ALG12: variants seen among roughly 807,000 people sequenced by gnomAD.
ALG12 encodes ALG12 alpha-1,6-mannosyltransferase, also known as dol-P-Man:Man(7)GlcNAc(2)-PP-Dol alpha-1,6-mannosyltransferase.
ALG12 carries 36 observed loss-of-function variants against 46.0 expected under a neutral mutation model. The ratio of observed to expected loss-of-function variants is 0.78; its 90% confidence interval spans 0.60 to 1.03. The LOEUF (loss-of-function observed/expected upper bound fraction) is 1.03, where lower values mean the gene tolerates loss of function less well. Among genes scored for constraint, ALG12 ranks in the 50% least tolerant of loss-of-function variants. ALG12 has a pLI of 0.00. For missense variants in ALG12, 599 were observed against 633.5 expected, an observed-to-expected ratio of 0.95 and a Z score of 0.58; for synonymous variants, 326 against 291.6, an observed-to-expected ratio of 1.12 and a Z score of -1.20.
At chr22:49,888,986 T>C in the ALG12 span, 1 of 167,286 alleles carries the variant, frequency 6.0e-6, no homozygotes, top group Non-Finnish European at 1.5e-5. Flanking sequence ...TAAGATTGTA[T>C]TTGGAATGGT....
chr22:49,910,125 A>G (rs935651036), intron 4 of ALG12, 37 bp from the exon 5 acceptor site: 1 of 1,566,064 alleles, frequency 6.4e-7, no homozygotes, highest in Non-Finnish European at 8.7e-7. Flanking sequence ...GTCAAGACAC[A>G]GGGCCCACCC....
the ALG12 span, chr22:49,883,714 GATAAA>G: frequency 1.5e-5 from 24 of 1,606,934 alleles, no homozygotes; most frequent in East Asian, 2.2e-5. Flanking sequence ...TTTCGTTTCT[GATAAA>G]ATAAAGTTTA....
At chr22:49,907,551 T>C (rs2060549272) in intron 7 of ALG12, among the ~76,000 whole-genome samples, 170 bp downstream of exon 7, 2 of 152,274 alleles carry the variant, frequency 1.3e-5, no homozygotes, top group African/African-American at 4.8e-5. Context: ...GGCAGGAGGA[T>C]GGCTTAACCC....
In ALG12 at chr22:49,906,493, C is replaced by T. The variant is rs1050909353; in HGVS notation, c.992+1228G>A. Among the ~76,000 whole-genome samples, 1 of 152,144 alleles carries T rather than the reference C, an allele frequency of 6.6e-6. No homozygotes were observed. The highest frequency in any genetic ancestry group is 1.5e-5 in the Non-Finnish European group (1 of 68,018). ...AGGAACCCCCAGCGAGGAACAGTCA[C>T]GGCAGCCAGAGGAGCTCCCAGGCCC... is the stretch of plus-strand genomic sequence containing the variant. On this transcript the variant is annotated intron_variant, in intron 7 of 9. Coordinates refer to ENST00000330817, the MANE Select transcript of ALG12 (RefSeq NM_024105.4). This position sits in a 1 kb window ranked among gnomAD's most constrained non-coding sequence, Gnocchi z 4.4.
At chr22:49,860,701 T>A in the ALG12 span, among the ~76,000 whole-genome samples, 1 of 152,190 alleles carries the variant, frequency 6.6e-6, no homozygotes, top group Admixed American at 6.5e-5. Flanking sequence ...AAATTTTATG[T>A]ACAAAATAAT....
chr22:49,880,577 C>G, the ALG12 span, among the ~76,000 whole-genome samples: 1 of 152,232 alleles, frequency 6.6e-6, no homozygotes, highest in African/African-American at 2.4e-5. Context: ...CTGAAAACGT[C>G]GTTTCGTGCA....
chr22:49,865,119 A>G, the ALG12 span, among the ~76,000 whole-genome samples: 1 of 152,242 alleles, frequency 6.6e-6, no homozygotes, highest in East Asian at 1.9e-4. Context: ...TGAACCTCAT[A>G]GAGTGCACCT....
At chr22:49,878,665 C>A in the ALG12 span, among the ~76,000 whole-genome samples, 1 of 152,180 alleles carries the variant, frequency 6.6e-6, no homozygotes, top group South Asian at 2.1e-4. Flanking sequence ...TGGTACAAGC[C>A]CAAAAGCACA....
chr22:49,908,020 G>A (rs1325726803), intron 6 of ALG12, 76 bp from the exon 7 acceptor site: 6 of 1,386,642 alleles, frequency 4.3e-6, no homozygotes, highest in Admixed American at 1.9e-5. Context: ...TCAAGGTGGA[G>A]AAGACGCTTG....
chr22:49,915,292 C>T (rs1191713344), intron 1 of ALG12, among the ~76,000 whole-genome samples: 1 of 152,114 alleles, frequency 6.6e-6, no homozygotes, highest in East Asian at 1.9e-4. Context: ...GGTGCGGTGG[C>T]TCATTCCCAT....
the ALG12 span, chr22:49,885,425 G>T: frequency 6.2e-7 from 1 of 1,608,608 alleles, no homozygotes; most frequent in Non-Finnish European, 8.5e-7. Context: ...ACCATCAGCC[G>T]GGGGAAGAAG....
At position 49,913,522 on chromosome 22, in the gene ALG12, G is replaced by A. The variant is rs368302798; in HGVS notation, c.163-5C>T. ...GGGGAACTCAAGATGGTCGTACTGC[G>A]AGGAGAAGGGCAGGTCAGTGCACCG... On this transcript the variant is annotated splice_polypyrimidine_tract_variant and splice_region_variant and intron_variant, in intron 2 of 9. Transcript: ENST00000330817. The A allele has an allele frequency of 3.5e-5, 56 of 1,613,836 alleles. No individual in the cohort carries two copies. The highest frequency in any genetic ancestry group is 4.4e-5 in the Non-Finnish European group (52 of 1,180,042).
the ALG12 span, chr22:49,884,260 A>C: frequency 6.2e-7 from 1 of 1,609,660 alleles, no homozygotes; most frequent in Non-Finnish European, 8.5e-7. Flanking sequence ...GGGTGACCTC[A>C]GCACCATCCT....
chr22:49,917,750 C>G (rs1408906298), intron 1 of ALG12, among the ~76,000 whole-genome samples: 1 of 151,304 alleles, frequency 6.6e-6, no homozygotes, highest in Non-Finnish European at 1.5e-5. Flanking sequence ...CTCCTTCCTT[C>G]CACAGGCAGG....
the ALG12 span, among the ~76,000 whole-genome samples, chr22:49,875,119 A>G: frequency 1.1e-4 from 17 of 152,084 alleles, no homozygotes; most frequent in African/African-American, 3.1e-4. Context: ...TAGGGTATCA[A>G]GTTGTTTCTT....
At chr22:49,884,061 A>G in the ALG12 span, 1 of 1,605,418 alleles carries the variant, frequency 6.2e-7, no homozygotes, top group Non-Finnish European at 8.5e-7. Flanking sequence ...ACAGCACTAA[A>G]GCAATATGCA....
intron 5 of ALG12, among the ~76,000 whole-genome samples, 169 bp from the exon 6 acceptor site, chr22:49,909,516 T>C (rs1326953589): frequency 6.6e-5 from 10 of 151,790 alleles, no homozygotes; most frequent in African/African-American, 2.4e-4. Context: ...CAGTGGGCCA[T>C]GATCATGCCA....
chr22:49,884,090 T>A, the ALG12 span: 1 of 1,612,712 alleles, frequency 6.2e-7, no homozygotes. Flanking sequence ...GTGAAGGAGT[T>A]CAGCAGAGGC....
At chr22:49,892,111 C>G in the ALG12 span, among the ~76,000 whole-genome samples, 1 of 144,388 alleles carries the variant, frequency 6.9e-6, no homozygotes, top group Non-Finnish European at 1.5e-5. Context: ...TGGCGTGAAC[C>G]TGGGAGGCAG....
Sources: allele counts gnomAD v4.1 joint callset (sites outside exome capture counted in the v4.1 genomes callset), GRCh38; gene constraint gnomAD v4.1.1; non-coding constraint Gnocchi (gnomAD v3.1); transcripts MANE v1.5; gene names NCBI Gene and HGNC (gene_info 2026-07-23, HGNC 2026-07-21).